Variants in GRK3 observed in about 807,000 individuals in gnomAD.
The protein encoded by GRK3 is adrenergic, beta, receptor kinase 2.
A neutral mutation model predicts 95.7 loss-of-function variants in GRK3; 54 were observed. The observed-to-expected ratio is 0.56, with a 90% confidence interval of 0.45 to 0.71. The LOEUF (loss-of-function observed/expected upper bound fraction) is 0.71, where lower values mean the gene tolerates loss of function less well. GRK3 is among the 30% of genes least tolerant of loss of function. The pLI is 0.00. For missense variants in GRK3, 649 were observed against 851.2 expected (o/e 0.76, Z 2.96); for synonymous variants, 281 against 290.8 (o/e 0.97, Z 0.34).
chr22:25,722,263 A>G, intron 20 of GRK3, 26 bp from the exon 21 acceptor site: 1 of 1,609,644 alleles, frequency 6.2e-7, no homozygotes, highest in Non-Finnish European at 8.5e-7. Context: ...GCCTGTCACA[A>G]CGGCTGCCTT....
intron 3 of GRK3, 64 bp downstream of exon 3, chr22:25,644,729 C>A: frequency 1.3e-6 from 1 of 772,898 alleles, no homozygotes; most frequent in Non-Finnish European, 2.1e-6. Flanking sequence ...TACTTTGGAA[C>A]ATATTAAGAC....
Position 25,721,296 on chromosome 22 carries a change from A to ACAG in GRK3, c.1806_1807insGCA (p.Thr602_Met603insAla). On this transcript the variant is annotated inframe_insertion, in exon 20 of 21. Coordinates refer to ENST00000324198, the MANE Select transcript of GRK3 (RefSeq NM_005160.4). Reference sequence around the variant, plus strand: ...TTTTTATGGTTAGCAAAATTTACTGACAATGGAACAGATTCTCTCTGTGGA... The same window carrying ACAG: ...TTTTTATGGTTAGCAAAATTTACTGACAGCAATGGAACAGATTCTCTCTGTGGA... 6.4e-7 allele frequency: 1 copy of ACAG among 1,565,548 alleles called. No homozygotes were observed. The highest frequency in any genetic ancestry group is 2.0e-5 in the Admixed American group (1 of 50,784).
intron 3 of GRK3, chr22:25,648,943 G>C (rs118017698): frequency 2.2e-6 from 2 of 902,416 alleles, no homozygotes; most frequent in Non-Finnish European, 3.8e-6. Flanking sequence ...GCACTGTATG[G>C]TGGGTTTACA....
intron 2 of GRK3, among the ~76,000 whole-genome samples, chr22:25,630,569 G>T (rs2084657348): frequency 6.6e-6 from 1 of 152,132 alleles, no homozygotes; most frequent in Admixed American, 6.5e-5. Context: ...CCATTGGAAG[G>T]GTTTGATAGA....
chr22:25,596,192 T>C (rs538707397), intron 1 of GRK3, among the ~76,000 whole-genome samples: 1 of 152,314 alleles, frequency 6.6e-6, no homozygotes, highest in African/African-American at 2.4e-5. Context: ...GAACACTTCT[T>C]CAAGAGTATT....
chr22:25,570,646 C>T (rs1278282122), intron 1 of GRK3, among the ~76,000 whole-genome samples: 1 of 152,178 alleles, frequency 6.6e-6, no homozygotes, highest in East Asian at 1.9e-4. Flanking sequence ...ATTAATTTGG[C>T]AACTTTTACT....
chr22:25,598,521 A>T (rs1248168537), intron 1 of GRK3, among the ~76,000 whole-genome samples: 1 of 151,918 alleles, frequency 6.6e-6, no homozygotes, highest in Admixed American at 6.6e-5. Context: ...AAAAAATTTT[A>T]AAAATTAGCT....
chr22:25,708,749 C>T (rs963932341), intron 15 of GRK3, among the ~76,000 whole-genome samples: 13 of 151,878 alleles, frequency 8.6e-5, no homozygotes, highest in Non-Finnish European at 1.2e-4. Flanking sequence ...GCAACCTCCA[C>T]CTCCCGGGTT....
intron 2 of GRK3, among the ~76,000 whole-genome samples, chr22:25,614,869 G>T (rs764945639): frequency 7.2e-5 from 11 of 152,116 alleles, no homozygotes; most frequent in Non-Finnish European, 1.3e-4. Context: ...CCTTCACTGG[G>T]AATGTCTCTT....
At chr22:25,661,119 C>A (rs1005588381) in intron 3 of GRK3, among the ~76,000 whole-genome samples, 1 of 152,136 alleles carries the variant, frequency 6.6e-6, no homozygotes, top group Admixed American at 6.5e-5. Context: ...AATCTCTTTG[C>A]AGGAATTCTG....
intron 2 of GRK3, among the ~76,000 whole-genome samples, chr22:25,638,348 G>A (rs1411983397): frequency 1.3e-5 from 2 of 152,182 alleles, no homozygotes; most frequent in Non-Finnish European, 2.9e-5. Context: ...GACAAGAAGT[G>A]GAGAAGAAAG....
chr22:25,572,561 G>A (rs1669163991), intron 1 of GRK3, among the ~76,000 whole-genome samples: 1 of 152,120 alleles, frequency 6.6e-6, no homozygotes, highest in Non-Finnish European at 1.5e-5. Context: ...GCGTGAGATG[G>A]TATCTCATCG....
At chr22:25,634,991 A>G (rs2084689375) in intron 2 of GRK3, among the ~76,000 whole-genome samples, 2 of 152,240 alleles carry the variant, frequency 1.3e-5, no homozygotes, top group Admixed American at 6.5e-5. Context: ...TAAGAATGGT[A>G]TGAGGAATTT....
chr22:25,714,620 A>G (rs1347857692), intron 18 of GRK3, 50 bp downstream of exon 18: 1 of 1,497,022 alleles, frequency 6.7e-7, no homozygotes, highest in African/African-American at 1.4e-5. Flanking sequence ...TAAATTTTCA[A>G]AATTTCTTGT....
At chr22:25,618,631 T>C (rs2146354677) in intron 2 of GRK3, among the ~76,000 whole-genome samples, 1 of 152,362 alleles carries the variant, frequency 6.6e-6, no homozygotes, top group East Asian at 1.9e-4. Context: ...TTCTGTTTGT[T>C]CTTTTTTCTC....
chr22:25,705,485 A>G, intron 15 of GRK3, among the ~76,000 whole-genome samples: 1 of 152,224 alleles, frequency 6.6e-6, no homozygotes, highest in South Asian at 2.1e-4. Context: ...GGTTAATTTC[A>G]AAAGTTGCAA....
intron 9 of GRK3, among the ~76,000 whole-genome samples, chr22:25,679,931 T>C (rs889913324): frequency 2.6e-5 from 4 of 152,206 alleles, no homozygotes. Context: ...TTTTAGTGGG[T>C]AATGAAAGAA....
intron 9 of GRK3, among the ~76,000 whole-genome samples, chr22:25,681,795 A>G (rs905077639): frequency 6.6e-6 from 1 of 152,218 alleles, no homozygotes; most frequent in African/African-American, 2.4e-5. Flanking sequence ...AAATCAAAGT[A>G]GACAGTTCCT....
At chr22:25,648,912 A>G (rs1285820730) in intron 3 of GRK3, 2 of 897,184 alleles carry the variant, frequency 2.2e-6, no homozygotes, top group African/African-American at 3.3e-5. Context: ...ATTTCCAATC[A>G]AATGGACAGC....
Sources: allele counts gnomAD v4.1 joint callset (sites outside exome capture counted in the v4.1 genomes callset), GRCh38; gene constraint gnomAD v4.1.1; transcripts MANE v1.5; gene names NCBI Gene and HGNC (gene_info 2026-07-23, HGNC 2026-07-21).